Variants in MGAT4C observed in about 807,000 individuals in gnomAD.
The protein encoded by MGAT4C is MGAT4 family member C.
MGAT4C carries 19 observed loss-of-function variants against 40.1 expected under a neutral mutation model. That is an observed-to-expected ratio of 0.47 (90% CI 0.33 to 0.70). MGAT4C has a LOEUF of 0.70. Ranked by LOEUF, MGAT4C falls within the 30% of genes least tolerant of loss-of-function variation. The probability of loss-of-function intolerance (pLI) is 0.02; values close to 1 mark genes in which losing one functional copy is unlikely to be tolerated. For synonymous variants in MGAT4C, 181 were observed against 187.1 expected (o/e 0.97, Z 0.27); for missense variants, 491 against 563.2 (o/e 0.87, Z 1.30).
rs1367593810 is a variant in MGAT4C, at chr12:86,275,849, C to T, written c.-57+58216G>A. On this transcript the variant is annotated intron_variant, in intron 4 of 7. Transcript: ENST00000548651. ...GGGCGCGGTGGCTCACGCCTGTAATCCCAGCACTTTGGGAGGCCGAGGCGG... is the reference window on the plus strand; with the variant it reads ...GGGCGCGGTGGCTCACGCCTGTAATTCCAGCACTTTGGGAGGCCGAGGCGG... Among the ~76,000 whole-genome samples the T allele has an allele frequency of 2.0e-5, 3 of 150,722 alleles. No individual in the cohort carries two copies. The Admixed American group carries it at 2.0e-4, about 10-fold the overall frequency.
At chr12:86,133,976 A>G (rs2135718696) in intron 1 of MGAT4C, among the ~76,000 whole-genome samples, 1 of 152,202 alleles carries the variant, frequency 6.6e-6, no homozygotes, top group African/African-American at 2.4e-5. Flanking sequence ...TTACGTCACT[A>G]TAACAATAAC....
chr12:86,029,557 G>A (rs146214172), intron 2 of MGAT4C, among the ~76,000 whole-genome samples: 3 of 152,050 alleles, frequency 2.0e-5, no homozygotes, highest in Non-Finnish European at 4.4e-5. Context: ...GAAAATGTCA[G>A]ACGGCTGGGT....
chr12:86,088,012 G>A (rs1179245823), intron 1 of MGAT4C, among the ~76,000 whole-genome samples: 2 of 151,778 alleles, frequency 1.3e-5, no homozygotes, highest in African/African-American at 4.8e-5. Context: ...TTAAAACATG[G>A]GACTGGTACA....
chr12:86,555,401 A>G (rs1370553790), intron 2 of MGAT4C, among the ~76,000 whole-genome samples: 1 of 152,204 alleles, frequency 6.6e-6, no homozygotes, highest in East Asian at 1.9e-4. Flanking sequence ...GGAGAAGCTG[A>G]GGCAGGGCTT....
At chr12:86,715,490 G>T (rs1476354195) in intron 2 of MGAT4C, among the ~76,000 whole-genome samples, 1 of 152,050 alleles carries the variant, frequency 6.6e-6, no homozygotes, top group Non-Finnish European at 1.5e-5. Flanking sequence ...TTTTCTGTAT[G>T]TATATTATAC....
intron 2 of MGAT4C, among the ~76,000 whole-genome samples, chr12:86,647,741 C>T (rs1320268346): frequency 6.6e-6 from 1 of 151,808 alleles, no homozygotes; most frequent in East Asian, 1.9e-4. Flanking sequence ...TTCTACATGT[C>T]AAGAACACCA....
chr12:86,188,111 G>C (rs1888979565), intron 1 of MGAT4C, among the ~76,000 whole-genome samples: 1 of 151,926 alleles, frequency 6.6e-6, no homozygotes, highest in Non-Finnish European at 1.5e-5. Flanking sequence ...TGATTTTTCT[G>C]CTCAAGTTAT....
intron 1 of MGAT4C, among the ~76,000 whole-genome samples, chr12:86,201,661 T>G (rs1363323496): frequency 6.6e-6 from 1 of 151,834 alleles, no homozygotes; most frequent in Non-Finnish European, 1.5e-5. Context: ...CCTTTGAATT[T>G]CCAGAATAAT....
chr12:86,195,107 A>G (rs577473251), intron 1 of MGAT4C, among the ~76,000 whole-genome samples: 46 of 152,116 alleles, frequency 3.0e-4, no homozygotes, highest in African/African-American at 1.0e-3. Flanking sequence ...CCTTATTTTC[A>G]CTTTTCTTAT....
chr12:86,152,380 C>T (rs1461185599), intron 1 of MGAT4C, among the ~76,000 whole-genome samples: 2 of 152,192 alleles, frequency 1.3e-5, no homozygotes, highest in African/African-American at 4.8e-5. Context: ...GGGGCAAATG[C>T]TGTGTCTCAC....
chr12:86,600,254 G>T (rs1961715395), intron 2 of MGAT4C, among the ~76,000 whole-genome samples: 2 of 152,288 alleles, frequency 1.3e-5, no homozygotes, highest in African/African-American at 4.8e-5. Flanking sequence ...GTGAAAAACT[G>T]AAAGCCTATT....
chr12:86,185,921 C>T (rs1429636784), intron 1 of MGAT4C, among the ~76,000 whole-genome samples: 2 of 151,874 alleles, frequency 1.3e-5, no homozygotes, highest in Non-Finnish European at 2.9e-5. Context: ...TTCCCCTCCC[C>T]ACCCCAGAAA....
chr12:86,197,212 AGAAGCACC>A (rs1949849369), intron 1 of MGAT4C, among the ~76,000 whole-genome samples: 2 of 152,200 alleles, frequency 1.3e-5, no homozygotes, highest in Non-Finnish European at 2.9e-5. Context: ...AGACCTCACC[AGAAGCACC>A]TTTGTTCATG....
At chr12:86,059,654 C>T (rs1387820154) in intron 1 of MGAT4C, among the ~76,000 whole-genome samples, 1 of 152,162 alleles carries the variant, frequency 6.6e-6, no homozygotes, top group Non-Finnish European at 1.5e-5. Flanking sequence ...GTATAGTTGA[C>T]AGAGGCTACA....
chr12:86,611,436 C>CAGAT (rs1555210961), intron 2 of MGAT4C, among the ~76,000 whole-genome samples: 2 of 123,234 alleles, frequency 1.6e-5, no homozygotes, highest in African/African-American at 3.0e-5. Context: ...AGATAGATGA[C>CAGAT]AGATAGATAG....
intron 2 of MGAT4C, among the ~76,000 whole-genome samples, chr12:86,474,867 C>A (rs1957809621): frequency 6.7e-6 from 1 of 148,234 alleles, no homozygotes; most frequent in South Asian, 2.1e-4. Flanking sequence ...TTGTACAAAG[C>A]AAATAAATAG....
intron 2 of MGAT4C, among the ~76,000 whole-genome samples, chr12:86,660,219 C>T (rs1054334121): frequency 6.6e-6 from 1 of 151,998 alleles, no homozygotes; most frequent in Non-Finnish European, 1.5e-5. Context: ...GAGCCATTAA[C>T]AAAGTAGATT....
At chr12:86,160,959 G>A (rs1177081292) in intron 1 of MGAT4C, among the ~76,000 whole-genome samples, 1 of 151,802 alleles carries the variant, frequency 6.6e-6, no homozygotes, top group African/African-American at 2.4e-5. Context: ...TTAGCCTGTG[G>A]GTGTCATTAC....
At chr12:86,542,122 AC>A (rs1386379107) in intron 2 of MGAT4C, among the ~76,000 whole-genome samples, 1 of 152,186 alleles carries the variant, frequency 6.6e-6, no homozygotes, top group Non-Finnish European at 1.5e-5. Context: ...ACACATGAAA[AC>A]TTGTAGGATC....
Sources: allele counts gnomAD v4.1 joint callset (sites outside exome capture counted in the v4.1 genomes callset), GRCh38; gene constraint gnomAD v4.1.1; transcripts MANE v1.5; gene names NCBI Gene and HGNC (gene_info 2026-07-23, HGNC 2026-07-21).